The following SNCAIP variants were observed in gnomAD, a reference collection of about 807,000 sequenced individuals.
SNCAIP encodes the protein synuclein alpha interacting protein, also known as synphilin-1.
In SNCAIP, 43 loss-of-function variants were observed where a neutral mutation model predicts 86.7. That is an observed-to-expected ratio of 0.50 (90% CI 0.39 to 0.64). The LOEUF is 0.64. SNCAIP is among the 30% of genes least tolerant of loss of function. The probability of loss-of-function intolerance (pLI) is 0.00; values close to 1 mark genes in which losing one functional copy is unlikely to be tolerated. For synonymous variants in SNCAIP, 417 were observed against 427.2 expected (o/e 0.98, Z 0.29); for missense variants, 981 against 1,103.1 (o/e 0.89, Z 1.57).
intron 1 of SNCAIP, among the ~76,000 whole-genome samples, chr5:122,376,573 A>G (rs1162410145): frequency 1.3e-5 from 2 of 152,114 alleles, no homozygotes; most frequent in East Asian, 3.9e-4. Context: ...GGACCTCATT[A>G]GGTCATAGTT....
At chr5:122,361,959 T>G (rs893951661) in intron 1 of SNCAIP, among the ~76,000 whole-genome samples, 16 of 152,216 alleles carry the variant, frequency 1.1e-4, no homozygotes, top group African/African-American at 3.6e-4. Context: ...TAGATTCAGT[T>G]TGGGGACAAG....
At position 122,328,499 on chromosome 5, in the gene SNCAIP, A is replaced by C. The variant is rs1414227845; in HGVS notation, c.-47+16215A>C. Among the ~76,000 whole-genome samples the C allele has an allele frequency of 2.6e-5, 4 of 152,096 alleles. No individual in the cohort carries two copies. In the East Asian group the frequency reaches 7.7e-4, roughly 29 times the overall value. ...TCTCAATATTTTCCAATATCTAAAC[A>C]CTCAACAATTCTTGGCTTACTTATT... On this transcript the variant is annotated intron_variant, in intron 1 of 10. Transcript: ENST00000261368.
intron 6 of SNCAIP, among the ~76,000 whole-genome samples, chr5:122,435,772 G>A (rs957113585): frequency 6.6e-6 from 1 of 152,068 alleles, no homozygotes; most frequent in African/African-American, 2.4e-5. Flanking sequence ...CTGTGTTATT[G>A]TTGTTTTTCC....
chr5:122,446,469 A>G (rs1203932994), intron 8 of SNCAIP, among the ~76,000 whole-genome samples: 1 of 152,218 alleles, frequency 6.6e-6, no homozygotes, highest in Admixed American at 6.5e-5. Context: ...TTTATTGGTG[A>G]ACTGCTCAAA....
At chr5:122,368,531 G>C (rs1229060506) in intron 1 of SNCAIP, among the ~76,000 whole-genome samples, 3 of 152,126 alleles carry the variant, frequency 2.0e-5, no homozygotes, top group African/African-American at 4.8e-5. Context: ...TCATGTACCA[G>C]CTGGAACTAA....
chr5:122,453,513 G>C (rs545498442), intron 10 of SNCAIP, among the ~76,000 whole-genome samples: 11 of 152,268 alleles, frequency 7.2e-5, no homozygotes, highest in Non-Finnish European at 1.0e-4. Context: ...TTCAGTCCAT[G>C]AGCCAGGTTT....
intron 3 of SNCAIP, among the ~76,000 whole-genome samples, chr5:122,413,903 G>A (rs939503966): frequency 2.3e-4 from 35 of 152,084 alleles, no homozygotes; most frequent in African/African-American, 8.0e-4. Context: ...AGAAAGGTTG[G>A]GGGATTTTTT....
chr5:122,391,245 A>T (rs1769282056), intron 2 of SNCAIP, 54 bp downstream of exon 2: 3 of 1,234,434 alleles, frequency 2.4e-6, no homozygotes, highest in Admixed American at 3.4e-5. Flanking sequence ...CTTCAACTTC[A>T]TAGCCTACTT....
At chr5:122,450,194 T>C (rs1305415359) in intron 9 of SNCAIP, among the ~76,000 whole-genome samples, 1 of 152,206 alleles carries the variant, frequency 6.6e-6, no homozygotes, top group East Asian at 1.9e-4. Flanking sequence ...AATTGAATCT[T>C]TCAATTCTTC....
rs762767013 is a variant in SNCAIP, at chr5:122,423,181, C to T, written c.444C>T (p.Leu148=). 3.4e-5 allele frequency: 55 copies of T among 1,614,096 alleles called. No individual in the cohort carries two copies. The Middle Eastern group carries it at 4.1e-3, about 121-fold the overall frequency. Residue 148 remains leucine, a synonymous_variant, in exon 4 of 11, where the codon CTC becomes CTT. Coordinates refer to ENST00000261368, the MANE Select transcript of SNCAIP (RefSeq NM_005460.4). ...TSLGELEHYD[L]DMDEILDVPY... ...TGGGTGAACTGGAGCACTACGACCT[C>T]GACATGGATGAGATTCTGGATGTGC...
At chr5:122,396,267 A>G (rs1050383896) in intron 2 of SNCAIP, among the ~76,000 whole-genome samples, 1 of 152,152 alleles carries the variant, frequency 6.6e-6, no homozygotes, top group African/African-American at 2.4e-5. Flanking sequence ...CATCTAATCC[A>G]GAAAAGATGA....
At chr5:122,417,307 A>G (rs1775508319) in intron 3 of SNCAIP, among the ~76,000 whole-genome samples, 1 of 152,206 alleles carries the variant, frequency 6.6e-6, no homozygotes, top group African/African-American at 2.4e-5. Context: ...ATCCAGAGAA[A>G]TTATAGTGTT....
intron 2 of SNCAIP, among the ~76,000 whole-genome samples, chr5:122,401,885 A>G (rs995514244): frequency 1.3e-5 from 2 of 152,244 alleles, no homozygotes; most frequent in Non-Finnish European, 1.5e-5. Flanking sequence ...CAGCGAATAC[A>G]TCAGAGATTC....
chr5:122,381,728 G>T lies in SNCAIP; in HGVS notation c.-46-9361G>T, dbSNP rs1389333841. Among the ~76,000 whole-genome samples the T allele has an allele frequency of 5.9e-5, 9 of 151,962 alleles. No homozygotes were observed. In the East Asian group the frequency reaches 1.7e-3, roughly 29 times the overall value. ...CGGTTCCTTCAGGAGCTCTTTTAGG[G>T]CAGGCCTGGTGGTGACAAAATCTCT... On this transcript the variant is annotated intron_variant, in intron 1 of 10. Transcript: ENST00000261368.
At chr5:122,462,924 CT>C (rs1485668638) in intron 10 of SNCAIP, among the ~76,000 whole-genome samples, 1 of 152,170 alleles carries the variant, frequency 6.6e-6, no homozygotes, top group Non-Finnish European at 1.5e-5. Context: ...AGTTTGTACT[CT>C]TTTCCCGCAG....
intron 6 of SNCAIP, 38 bp downstream of exon 6, chr5:122,432,120 C>A (rs758811641): frequency 8.2e-6 from 7 of 858,774 alleles, no homozygotes; most frequent in South Asian, 6.8e-5. Flanking sequence ...CCTTTGTGTA[C>A]CATATAATCT....
chr5:122,429,819 G>A (rs1370627002), intron 5 of SNCAIP, among the ~76,000 whole-genome samples: 1 of 152,156 alleles, frequency 6.6e-6, no homozygotes, highest in Non-Finnish European at 1.5e-5. Context: ...CCTCCCCAAA[G>A]CTGGGAAAGG....
At chr5:122,389,271 C>G (rs1768847066) in intron 1 of SNCAIP, 1 of 152,188 alleles carries the variant, frequency 6.6e-6, no homozygotes, top group African/African-American at 2.4e-5. Context: ...CTTCATCTCC[C>G]CATATTTCCA....
intron 3 of SNCAIP, among the ~76,000 whole-genome samples, chr5:122,406,194 G>A (rs190745697): frequency 1.2e-4 from 19 of 152,228 alleles, no homozygotes; most frequent in East Asian, 5.8e-4. Flanking sequence ...TGAAGTTTTC[G>A]GAGCTGGTTT....
Sources: gnomAD v4.1 joint callset for allele counts (sites outside exome capture counted in the v4.1 genomes callset) on GRCh38, gnomAD v4.1.1 for gene constraint, MANE v1.5 for transcripts, NCBI Gene and HGNC (gene_info 2026-07-23, HGNC 2026-07-21) for gene names.